DSC3: variants seen among roughly 807,000 people sequenced by gnomAD.
DSC3 encodes the protein desmocollin-3.
A neutral mutation model predicts 89.5 loss-of-function variants in DSC3; 97 were observed. That is an observed-to-expected ratio of 1.08 (90% confidence interval 0.92 to 1.28). DSC3 has a LOEUF of 1.28. Ranked by LOEUF, DSC3 falls within the 50% of genes most tolerant of loss-of-function variation. The pLI is 0.00. For missense variants in DSC3, 1,199 were observed against 1,085.3 expected, an observed-to-expected ratio of 1.10 and a Z score of -1.47; for synonymous variants, 436 against 384.1, an observed-to-expected ratio of 1.14 and a Z score of -1.58.
rs1984393199 is a variant in DSC3 at position 30,994,581 on chromosome 18, A to C, written c.2494-209T>G. 3 of 1,080,376 alleles carry C rather than the reference A, an allele frequency of 2.8e-6. No homozygotes were observed. The African/African-American group carries it at 5.0e-5, about 18-fold the overall frequency. 66.9% of individuals were successfully genotyped at this position (1,080,376 alleles called of 1,614,324 possible). On this transcript the variant is annotated intron_variant, in intron 15 of 15. Coordinates refer to ENST00000360428, the MANE Select transcript of DSC3 (RefSeq NM_001941.5). ...AGTTTACATTTCTAGTGCTCCATAT[A>C]AATAAAAAATTATGTATACAAGTTT...
chr18:31,038,656 T>A (rs139747904), intron 1 of DSC3, among the ~76,000 whole-genome samples: 294 of 152,230 alleles, frequency 1.9e-3, no homozygotes, highest in African/African-American at 6.7e-3. Flanking sequence ...CTCATTTCTT[T>A]CCTTTTTAAA....
chr18:31,019,184 C>T lies in DSC3; in HGVS notation c.943-384G>A, dbSNP rs182113908. Reference sequence around the variant, plus strand: ...CGATCTTGGCTCACTGCAACCTCCGCCTCCTGAGTTCAAATGATTCTCTTG... The same window carrying T: ...CGATCTTGGCTCACTGCAACCTCCGTCTCCTGAGTTCAAATGATTCTCTTG... On this transcript the variant is annotated intron_variant, in intron 7 of 15. Transcript: ENST00000360428. Among the ~76,000 whole-genome samples, 868 of 152,294 alleles carry T rather than the reference C, an allele frequency of 5.7e-3. 10 individuals are homozygous for T. The highest frequency in any genetic ancestry group is 8.1e-3 in the Non-Finnish European group (550 of 68,022).
chr18:31,011,912 C>G (rs1363339239), intron 9 of DSC3, among the ~76,000 whole-genome samples: 2 of 98,714 alleles, frequency 2.0e-5, no homozygotes, highest in Admixed American at 1.5e-4. Flanking sequence ...AGAATTGCGA[C>G]AGCAAATTCC....
chr18:31,021,056 G>T (rs76618301), intron 7 of DSC3, among the ~76,000 whole-genome samples: 1 of 144,918 alleles, frequency 6.9e-6, no homozygotes, highest in Non-Finnish European at 1.5e-5. Context: ...TAAATTCACT[G>T]TTTTTTTTTT....
chr18:31,001,520 T>C, intron 14 of DSC3, 98 bp downstream of exon 14: 1 of 1,398,146 alleles, frequency 7.2e-7, no homozygotes, highest in Non-Finnish European at 9.8e-7. Flanking sequence ...TCTGATTCAA[T>C]TAAAAATATA....
intron 15 of DSC3, among the ~76,000 whole-genome samples, chr18:30,995,282 C>T (rs1984416873): frequency 6.6e-6 from 1 of 152,158 alleles, no homozygotes; most frequent in Non-Finnish European, 1.5e-5. Context: ...AACTGAGGAA[C>T]CCTCCTAAGA....
rs912207537 is a variant in DSC3 at position 31,010,395 on chromosome 18, G to A, written c.1264-1870C>T. On this transcript the variant is annotated intron_variant, in intron 9 of 15. Transcript: ENST00000360428. ...GATGGAAATTTAGAGAACAGCTGCT[G>A]CACTGGAGGAGGTGCAACTATTCAA... Among the ~76,000 whole-genome samples the A allele has an allele frequency of 4.5e-4, 68 of 152,296 alleles. 1 individual carries two copies. The highest frequency in any genetic ancestry group is 1.8e-4 in the Non-Finnish European group (12 of 68,038).
At chr18:31,018,924 G>A in intron 7 of DSC3, 124 bp from the exon 8 acceptor site, 1 of 936,540 alleles carries the variant, frequency 1.1e-6, no homozygotes, top group Non-Finnish European at 1.7e-6. Context: ...GCTTTTACCT[G>A]ATTTCCATAT....
In DSC3 at chr18:30,993,477, GCTCT is replaced by G. The variant is rs1394929519; in HGVS notation, c.*694_*697del. The stretch of plus-strand genomic sequence containing the variant: ...GCATTTAAGAGCCCAGGCCTAGGAA[GCTCT>G]CTCTTTTTTCTATTGTAGGACAAAC... On this transcript the variant is annotated 3_prime_UTR_variant, in exon 16 of 16. Transcript: ENST00000360428. 2 of 152,188 alleles carry G rather than the reference GCTCT, an allele frequency of 1.3e-5. No homozygotes were observed. Among genetic ancestry groups the G allele is most frequent in the African/African-American group, 4.8e-5 (2 of 41,434 alleles). 9.4% of individuals were successfully genotyped at this position (152,188 alleles called of 1,614,324 possible).
At chr18:31,026,120 G>A (rs923912894) in intron 4 of DSC3, among the ~76,000 whole-genome samples, 1 of 152,014 alleles carries the variant, frequency 6.6e-6, no homozygotes, top group Non-Finnish European at 1.5e-5. Context: ...ATGTACCCTA[G>A]GAAGAAAACT....
chr18:31,018,900 C>G, intron 7 of DSC3, 100 bp from the exon 8 acceptor site: 2 of 1,075,042 alleles, frequency 1.9e-6, no homozygotes, highest in Non-Finnish European at 2.8e-6. Flanking sequence ...ACACACACAT[C>G]TGTGTGTTTC....
In DSC3 at chr18:30,993,890, G is replaced by T; in HGVS notation, c.*285C>A. 2 of 311,804 alleles carry T rather than the reference G, an allele frequency of 6.4e-6. No individual in the cohort carries two copies. The highest frequency in any genetic ancestry group is 2.2e-5 in the African/African-American group (1 of 45,766). The allele number at this position is 311,804 out of a possible 1,614,324, so 19.3% of individuals were successfully genotyped here. On this transcript the variant is annotated 3_prime_UTR_variant, in exon 16 of 16. Coordinates refer to ENST00000360428, the MANE Select transcript of DSC3 (RefSeq NM_001941.5). ...CTATTGTTGGACTAATATTTATCCA[G>T]CATATTTATTACTAAAATATCCGTA...
chr18:31,032,581 TGTGTGTGTGC>T (rs750852565), intron 1 of DSC3, among the ~76,000 whole-genome samples: 2,009 of 123,414 alleles, frequency 0.016, 34 homozygotes, highest in African/African-American at 0.062. Context: ...TGTGTGTGTG[TGTGTGTGTGC>T]GTGTGCGTGT....
At chr18:31,010,886 T>C (rs1368275565) in intron 9 of DSC3, among the ~76,000 whole-genome samples, 1 of 152,230 alleles carries the variant, frequency 6.6e-6, no homozygotes, top group Admixed American at 6.5e-5. Flanking sequence ...TTATCTATTT[T>C]GGAACATTAT....
At chr18:31,016,575 G>C (rs917409850) in intron 9 of DSC3, among the ~76,000 whole-genome samples, 1 of 152,204 alleles carries the variant, frequency 6.6e-6, no homozygotes. Flanking sequence ...CCCTCAGCCA[G>C]TTCCCATGTG....
intron 9 of DSC3, among the ~76,000 whole-genome samples, chr18:31,009,980 T>C (rs1450595442): frequency 1.3e-5 from 2 of 152,206 alleles, no homozygotes; most frequent in Non-Finnish European, 2.9e-5. Flanking sequence ...GTAAAACCCA[T>C]AAAACATTAT....
chr18:30,992,411 A>G lies in DSC3; in HGVS notation c.*1764T>C, dbSNP rs948756525. On this transcript the variant is annotated 3_prime_UTR_variant, in exon 16 of 16. Coordinates refer to ENST00000360428, the MANE Select transcript of DSC3 (RefSeq NM_001941.5). ...GCAAATGCCTTCAGACTCATCATGC[A>G]GTCAGCTCTGTCTCCTTGATTTCTC... 1.3e-5 allele frequency: 2 copies of G among 152,240 alleles called. No homozygotes were observed. Among genetic ancestry groups the G allele is most frequent in the African/African-American group, 4.8e-5 (2 of 41,454 alleles). The allele number at this position is 152,240 out of a possible 1,614,324, so 9.4% of individuals were successfully genotyped here. A position where few individuals can be genotyped will look rare whatever the true frequency, so the allele number is the denominator to read the frequency against.
At chr18:31,021,411 C>T (rs754891332) in intron 7 of DSC3, among the ~76,000 whole-genome samples, 9 of 151,980 alleles carry the variant, frequency 5.9e-5, no homozygotes, top group Admixed American at 2.6e-4. Context: ...TAAAATGCTC[C>T]GGCCCCATAA....
At position 30,996,810 on chromosome 18, in the gene DSC3, G is replaced by C; in HGVS notation, c.2474C>G (p.Thr825Ser). The change falls in exon 15 of 16, where the codon ACT becomes AGT. Residue 825 changes from threonine (T) to serine (S), a missense_variant. Transcript: ENST00000360428. ...RYTYSEWHSF[T>S]QPRLGEKLHR... ...ACTCACTTCACCGAGACGGGGTTGA[G>C]TAAAACTGTGCCACTCCGAGTAAGT... 1 of 1,613,734 alleles carries C rather than the reference G, an allele frequency of 6.2e-7. No individual in the cohort carries two copies. The highest frequency in any genetic ancestry group is 8.5e-7 in the Non-Finnish European group (1 of 1,179,960).
Sources: gnomAD v4.1 joint callset for allele counts (sites outside exome capture counted in the v4.1 genomes callset) on GRCh38, gnomAD v4.1.1 for gene constraint, MANE v1.5 for transcripts, NCBI Gene and HGNC (gene_info 2026-07-23, HGNC 2026-07-21) for gene names.